The following NAV3 variants were observed in gnomAD, a reference collection of about 807,000 sequenced individuals.
NAV3 encodes pore membrane and/or filament interacting like protein 1.
Under a neutral mutation model 244.7 loss-of-function variants are expected in NAV3, and 87 were observed. That is an observed-to-expected ratio of 0.36 (90% CI 0.30 to 0.42). The LOEUF is 0.42. Among genes scored for constraint, NAV3 ranks in the 20% least tolerant of loss-of-function variants. NAV3 has a pLI of 1.00. For synonymous variants in NAV3, 1,126 were observed against 1,042.2 expected (o/e 1.08, Z -1.55); for missense variants, 2,663 against 2,893.3 (o/e 0.92, Z 1.83).
intron 2 of NAV3, among the ~76,000 whole-genome samples, chr12:77,766,407 A>G (rs780611494): frequency 1.3e-5 from 2 of 152,236 alleles, no homozygotes; most frequent in African/African-American, 2.4e-5. Context: ...TCTTAGTCTC[A>G]GAACTTGGCT....
At chr12:77,629,605 A>C (rs1489689543) in intron 2 of NAV3, among the ~76,000 whole-genome samples, 1 of 152,128 alleles carries the variant, frequency 6.6e-6, no homozygotes, top group African/African-American at 2.4e-5. Context: ...ATTTTTCCCT[A>C]AAATAAAGTC....
chr12:77,704,731 G>T (rs1268840475), intron 2 of NAV3, among the ~76,000 whole-genome samples: 2 of 152,114 alleles, frequency 1.3e-5, no homozygotes, highest in African/African-American at 4.8e-5. Flanking sequence ...GTGGTTAAAA[G>T]ATATGTTACA....
Position 78,210,702 on chromosome 12 carries a change from T to A in NAV3, c.*185T>A. 1.6e-6 allele frequency: 1 copy of A among 640,026 alleles called. No homozygotes were observed. Among genetic ancestry groups the A allele is most frequent in the Non-Finnish European group, 2.7e-6 (1 of 372,980 alleles). The allele number at this position is 640,026 out of a possible 1,614,324, so 39.6% of individuals were successfully genotyped here. ...AAGATGCTAAATTGCAATGGAAGCT[T>A]AACTTTAGTTTATTTCTAAGCATTT... On this transcript the variant is annotated 3_prime_UTR_variant, in exon 40 of 40. Coordinates refer to ENST00000397909, the MANE Select transcript of NAV3 (RefSeq NM_001024383.2).
At chr12:77,574,007 C>G (rs1049465599) in intron 2 of NAV3, among the ~76,000 whole-genome samples, 14 of 152,146 alleles carry the variant, frequency 9.2e-5, no homozygotes, top group Non-Finnish European at 2.9e-5. Flanking sequence ...AACTGCTCAG[C>G]TCATACATAA....
chr12:77,989,370 G>A (rs185541173), intron 5 of NAV3, among the ~76,000 whole-genome samples: 5 of 152,276 alleles, frequency 3.3e-5, no homozygotes, highest in Admixed American at 3.3e-4. Context: ...CCTTTGCATG[G>A]TATTTCATAA....
chr12:77,892,418 ATT>A (rs201721386), intron 1 of NAV3, among the ~76,000 whole-genome samples: 4 of 142,954 alleles, frequency 2.8e-5, no homozygotes, highest in South Asian at 2.2e-4. Context: ...GACCATTTGA[ATT>A]TTTTTTTTTT....
In NAV3 at chr12:77,722,487, G is replaced by A. The variant is rs570760022; in HGVS notation, c.72+150221G>A. On this transcript the variant is annotated intron_variant, in intron 2 of 8. Transcript: ENST00000550042. ...TACAAAGCATTATGCTGGTATAGCTGTTTAGCAATAACTTTTGATTATTAT... is the reference window on the plus strand; with the variant it reads ...TACAAAGCATTATGCTGGTATAGCTATTTAGCAATAACTTTTGATTATTAT... Among the ~76,000 whole-genome samples, 32 of 152,130 alleles carry A rather than the reference G, an allele frequency of 2.1e-4. 1 individual carries two copies. In the South Asian group the frequency reaches 6.6e-3, roughly 32 times the overall value.
intron 2 of NAV3, among the ~76,000 whole-genome samples, chr12:77,645,903 T>C (rs1226886941): frequency 6.6e-6 from 1 of 152,132 alleles, no homozygotes; most frequent in Non-Finnish European, 1.5e-5. Flanking sequence ...TAGGACACTG[T>C]ATCAGGCAAA....
intron 2 of NAV3, among the ~76,000 whole-genome samples, chr12:77,783,988 A>G (rs951411195): frequency 1.3e-5 from 2 of 152,210 alleles, no homozygotes; most frequent in East Asian, 3.9e-4. Context: ...GGTTTCCATC[A>G]TGACTCTGCT....
chr12:77,834,143 G>A (rs1263283149), intron 1 of NAV3, among the ~76,000 whole-genome samples: 1 of 152,124 alleles, frequency 6.6e-6, no homozygotes, highest in Non-Finnish European at 1.5e-5. Context: ...CAACATTTGG[G>A]CATGAAAACA....
chr12:77,805,609 G>A (rs1167747081), intron 2 of NAV3, among the ~76,000 whole-genome samples: 1 of 152,016 alleles, frequency 6.6e-6, no homozygotes, highest in African/African-American at 2.4e-5. Flanking sequence ...GTTCTTCAGG[G>A]ATATTGGGCT....
rs1466394267 is a variant in NAV3, at chr12:78,121,955, G to A, written c.3765G>A (p.Lys1255=). ...TTTCTTTTAGGTTGTTTGGTGCCAA[G>A]GCAGGTGGCAAATCTGCCTCTGCAC... ...SPTFRRLFGA[K]AGGKSASAPN... is the part of the protein sequence containing the mutation. Residue 1255 remains lysine, a synonymous_variant, in exon 16 of 40, where the codon AAG becomes AAA. Coordinates refer to ENST00000397909, the MANE Select transcript of NAV3 (RefSeq NM_001024383.2). 6.2e-7 allele frequency: 1 copy of A among 1,613,698 alleles called. No individual in the cohort carries two copies. The highest frequency in any genetic ancestry group is 2.2e-5 in the East Asian group (1 of 44,870).
intron 9 of NAV3, among the ~76,000 whole-genome samples, chr12:78,039,197 T>G (rs1019929614): frequency 6.6e-6 from 1 of 152,086 alleles, no homozygotes; most frequent in Non-Finnish European, 1.5e-5. Flanking sequence ...ATGATCCATG[T>G]TAAGTTGTTG....
At chr12:77,952,500 G>C (rs1231773561) in intron 3 of NAV3, among the ~76,000 whole-genome samples, 3 of 151,910 alleles carry the variant, frequency 2.0e-5, no homozygotes, top group Admixed American at 2.0e-4. Context: ...TTACTGTTTT[G>C]ATTACATGAC....
At chr12:78,015,069 C>T (rs534704389) in intron 8 of NAV3, among the ~76,000 whole-genome samples, 1 of 152,046 alleles carries the variant, frequency 6.6e-6, no homozygotes, top group Non-Finnish European at 1.5e-5. Flanking sequence ...CCCAGCAGAG[C>T]CAGCAGAGAG....
At chr12:77,595,454 A>G (rs1373967240) in intron 2 of NAV3, among the ~76,000 whole-genome samples, 3 of 152,174 alleles carry the variant, frequency 2.0e-5, no homozygotes, top group Non-Finnish European at 4.4e-5. Flanking sequence ...GAGTAAGCCT[A>G]GAGACCAAAT....
At chr12:77,994,937 G>T in intron 6 of NAV3, 66 bp downstream of exon 6, 4 of 1,198,788 alleles carry the variant, frequency 3.3e-6, no homozygotes, top group Admixed American at 2.2e-5. Flanking sequence ...GTGATATTTT[G>T]TCCTATCTTT....
At chr12:77,893,257 T>C (rs1482130647) in intron 1 of NAV3, among the ~76,000 whole-genome samples, 1 of 152,136 alleles carries the variant, frequency 6.6e-6, no homozygotes, top group Non-Finnish European at 1.5e-5. Context: ...ATGCTGTAAA[T>C]TTTCTAATCA....
At chr12:77,834,772 C>T (rs1203580013) in intron 1 of NAV3, among the ~76,000 whole-genome samples, 1 of 152,156 alleles carries the variant, frequency 6.6e-6, no homozygotes, top group Non-Finnish European at 1.5e-5. Context: ...CACCATGCCA[C>T]TTATCAGATT....
Sources: allele counts gnomAD v4.1 joint callset (sites outside exome capture counted in the v4.1 genomes callset), GRCh38; gene constraint gnomAD v4.1.1; transcripts MANE v1.5; gene names NCBI Gene and HGNC (gene_info 2026-07-23, HGNC 2026-07-21).